Variants in CYP11B1 observed in about 807,000 individuals in gnomAD.
CYP11B1 encodes cytochrome P450 11B1, mitochondrial.
A neutral mutation model predicts 48.3 loss-of-function variants in CYP11B1; 34 were observed. The observed-to-expected ratio is 0.70, with a 90% CI of 0.54 to 0.94. The LOEUF (loss-of-function observed/expected upper bound fraction) is 0.94, where lower values mean the gene tolerates loss of function less well. CYP11B1 is among the 40% of genes least tolerant of loss of function. The pLI is 0.00. For missense variants in CYP11B1, 688 were observed against 657.4 expected (o/e 1.05, Z -0.51); for synonymous variants, 291 against 262.5 (o/e 1.11, Z -1.05).
At chr8:142,878,073 CGCAT>C (rs1817017328) in intron 2 of CYP11B1, among the ~76,000 whole-genome samples, 1 of 152,020 alleles carries the variant, frequency 6.6e-6, no homozygotes, top group African/African-American at 2.4e-5. Flanking sequence ...TGTGCACACA[CGCAT>C]GCACACACAA....
chr8:142,879,649 G>C lies in CYP11B1; in HGVS notation c.165C>G (p.Ile55Met). 1.2e-6 allele frequency: 2 copies of C among 1,614,220 alleles called. No individual in the cohort carries two copies. Among genetic ancestry groups the C allele is most frequent in the Admixed American group, 1.7e-5 (1 of 60,028 alleles). ...GGTCCTCATAACCCTGCTCCCTCCA[G>C]ATCTGCAGCAGCCTCAGCCACCTGT... The part of the protein sequence containing the change: ...PGNRWLRLLQ[I>M]WREQGYEDLH... The change falls in exon 1 of 9, where the codon ATC (isoleucine) becomes ATG (methionine). Residue 55 changes from isoleucine (I) to methionine (M), a missense_variant. Physicochemically the swap from Ile to Met is conservative, Grantham distance 10 (BLOSUM62 1). Coordinates refer to ENST00000292427, the MANE Select transcript of CYP11B1 (RefSeq NM_000497.4).
chr8:142,875,173 G>A lies in CYP11B1; in HGVS notation c.1201-19C>T, dbSNP rs559331350. Reference sequence around the variant, plus strand: ...CCAATGTCTGCGGACGGTGCAGAGCGGGGATCAGGGAATGACTGGGGAGGG... The same window carrying A: ...CCAATGTCTGCGGACGGTGCAGAGCAGGGATCAGGGAATGACTGGGGAGGG... On this transcript the variant is annotated intron_variant, in intron 7 of 8. Coordinates refer to ENST00000292427, the MANE Select transcript of CYP11B1 (RefSeq NM_000497.4). 1.2e-4 allele frequency: 198 copies of A among 1,612,678 alleles called. No individual in the cohort carries two copies. Among genetic ancestry groups the A allele is most frequent in the East Asian group, 2.9e-4 (13 of 44,858 alleles).
Position 142,876,350 on chromosome 8 carries a change from C to T in CYP11B1, c.845G>A (p.Arg282His), listed in dbSNP as rs544670837. 2.3e-5 allele frequency: 37 copies of T among 1,614,176 alleles called. No homozygotes were observed. Among genetic ancestry groups the T allele is most frequent in the South Asian group, 9.9e-5 (9 of 91,062 alleles). ...QKIYQELAFSRPQQYTSIVAE... is the reference protein window; with the variant it reads ...QKIYQELAFSHPQQYTSIVAE... ...CACGATGCTGGTGTACTGTTGAGGG[C>T]GGCTGAAGGCCAGTTCCTGATAGAT... Residue 282 changes from arginine to histidine, a missense_variant, in exon 5 of 9, where the codon CGC becomes CAC. Coordinates refer to ENST00000292427, the MANE Select transcript of CYP11B1 (RefSeq NM_000497.4).
chr8:142,874,231 C>T lies in CYP11B1; in HGVS notation c.*142G>A, dbSNP rs1404456380. ...GGCAAACCCTGGTCCTAGAGGCCCT[C>T]GGGAGTTCCATTTGTGCTGGGGCTG... On this transcript the variant is annotated 3_prime_UTR_variant, in exon 9 of 9. Coordinates refer to ENST00000292427, the MANE Select transcript of CYP11B1 (RefSeq NM_000497.4). 2.8e-6 allele frequency: 2 copies of T among 713,354 alleles called. No homozygotes were observed. Among genetic ancestry groups the T allele is most frequent in the Middle Eastern group, 3.5e-4 (1 of 2,862 alleles). The allele number at this position is 713,354 out of a possible 1,614,324, so 44.2% of individuals were successfully genotyped here. A position where few individuals can be genotyped will look rare whatever the true frequency, so the allele number is the denominator to read the frequency against.
In CYP11B1 at chr8:142,879,408, G is replaced by C. The variant is rs186769755; in HGVS notation, c.239+167C>G. On this transcript the variant is annotated intron_variant, in intron 1 of 8. Coordinates refer to ENST00000292427, the MANE Select transcript of CYP11B1 (RefSeq NM_000497.4). ...TGGGATTTGCTCTGCACCATCCCCT[G>C]CCCTGGCAGCGCCACAGACCAGCAC... 464 of 1,612,610 alleles carry C rather than the reference G, an allele frequency of 2.9e-4. 4 individuals are homozygous for C. The Middle Eastern group carries it at 3.5e-3, about 12-fold the overall frequency.
intron 1 of CYP11B1, 37 bp from the exon 2 acceptor site, chr8:142,879,224 C>T: frequency 6.2e-7 from 1 of 1,613,486 alleles, no homozygotes; most frequent in Non-Finnish European, 8.5e-7. Flanking sequence ...TGGATGGGAC[C>T]ATGTCCCCGC....
chr8:142,874,835 C>T (rs569903252), intron 8 of CYP11B1, 122 bp downstream of exon 8: 4 of 1,274,196 alleles, frequency 3.1e-6, no homozygotes, highest in South Asian at 2.5e-5. Flanking sequence ...AGTACCGGCT[C>T]TGCCCAGTCC....
chr8:142,874,525 A>G (rs1816870788), intron 8 of CYP11B1, 39 bp from the exon 9 acceptor site: 1 of 1,412,996 alleles, frequency 7.1e-7, no homozygotes, highest in East Asian at 2.3e-5. Flanking sequence ...CTTGGTCCGC[A>G]GCCCATGCAC....
At chr8:142,879,406 C>G (rs1259696595) in intron 1 of CYP11B1, 169 bp downstream of exon 1, 2 of 1,612,430 alleles carry the variant, frequency 1.2e-6, no homozygotes, top group Admixed American at 3.3e-5. Flanking sequence ...GCACCATCCC[C>G]TGCCCTGGCA....
rs1286707461 is a variant in CYP11B1, at chr8:142,873,565, C to G, written c.*808G>C. 1.3e-5 allele frequency: 2 copies of G among 152,246 alleles called. No homozygotes were observed. The highest frequency in any genetic ancestry group is 4.8e-5 in the African/African-American group (2 of 41,422). The allele number at this position is 152,246 out of a possible 1,614,324, so 9.4% of individuals were successfully genotyped here. Reference sequence around the variant, plus strand: ...GGCCCAATCCTGTCTCTCCTGTTGCCAAAAACATTTCTGGAACCACACCCC... The same window carrying G: ...GGCCCAATCCTGTCTCTCCTGTTGCGAAAAACATTTCTGGAACCACACCCC... On this transcript the variant is annotated 3_prime_UTR_variant, in exon 9 of 9. Coordinates refer to ENST00000292427, the MANE Select transcript of CYP11B1 (RefSeq NM_000497.4).
In CYP11B1 at chr8:142,874,397, GA is replaced by G. The variant is rs2130264062; in HGVS notation, c.1487del (p.Leu496ProfsTer27). 1 of 1,613,804 alleles carries G rather than the reference GA, an allele frequency of 6.2e-7. No individual in the cohort carries two copies. The highest frequency in any genetic ancestry group is 2.2e-5 in the East Asian group (1 of 44,878). On this transcript the variant is annotated frameshift_variant, in exon 9 of 9. Coordinates refer to ENST00000292427, the MANE Select transcript of CYP11B1 (RefSeq NM_000497.4). LOFTEE classifies it high-confidence loss of function. ...SFILRPSMFPLLTFRAIN is the reference protein window; with the variant it reads ...SFILRPSMFPXLTFRAIN ...ATTAGTTGATGGCTCTGAAGGTGAG[GA>G]GGGGGAACATGCTGGGCCTCAATAT... is the stretch of plus-strand genomic sequence containing the variant.
intron 4 of CYP11B1, 124 bp from the exon 5 acceptor site, chr8:142,876,519 C>A (rs1185721360): frequency 3.2e-6 from 5 of 1,540,604 alleles, no homozygotes; most frequent in Non-Finnish European, 4.4e-6. Context: ...TTCTCCGGAT[C>A]AGCCCAGCCC....
At chr8:142,879,332 C>G (rs376105877) in intron 1 of CYP11B1, 145 bp from the exon 2 acceptor site, 3 of 1,605,976 alleles carry the variant, frequency 1.9e-6, no homozygotes, top group South Asian at 1.1e-5. Context: ...GCTGACTGCC[C>G]GGAACCTCTT....
rs1430208571 is a variant in CYP11B1 at position 142,875,092 on chromosome 8, C to T, written c.1263G>A (p.Glu421=). The change falls in exon 8 of 9, where the codon GAG becomes GAA. Residue 421 remains glutamate (E), a synonymous_variant. Transcript: ENST00000292427. ...GRNPALFPRP[E]RYNPQRWLDI... ...CTAGCCAGCGCTGGGGGTTATAGCG[C>T]TCAGGCCTCGGGAACAAGGCGGGGT... The T allele has an allele frequency of 7.4e-6, 12 of 1,614,144 alleles. No individual in the cohort carries two copies. Among genetic ancestry groups the T allele is most frequent in the Admixed American group, 1.7e-5 (1 of 60,012 alleles).
intron 2 of CYP11B1, 125 bp downstream of exon 2, chr8:142,878,907 G>A (rs1817051315): frequency 5.0e-6 from 7 of 1,413,958 alleles, no homozygotes; most frequent in East Asian, 2.5e-5. Flanking sequence ...CCTCTGGGTC[G>A]GGTGCTCACC....
At chr8:142,877,254 G>A (rs1290355567) in intron 2 of CYP11B1, 32 bp from the exon 3 acceptor site, 52 of 1,569,734 alleles carry the variant, frequency 3.3e-5, no homozygotes, top group Non-Finnish European at 4.0e-5. Flanking sequence ...TTGTGAGGCC[G>A]CCCCAGCAAG....
chr8:142,877,818 C>A (rs1817009113), intron 2 of CYP11B1: 1 of 1,595,878 alleles, frequency 6.3e-7, no homozygotes, highest in Non-Finnish European at 8.5e-7. Flanking sequence ...GAGGAATTTC[C>A]CCTGTCAGCC....
chr8:142,875,197 G>A (rs764138882), intron 7 of CYP11B1, 37 bp downstream of exon 7: 9 of 1,614,212 alleles, frequency 5.6e-6, no homozygotes, highest in Non-Finnish European at 7.6e-6. Flanking sequence ...GACTGGGGAG[G>A]GAGGTTCTCA....
rs1816860384 is a variant in CYP11B1 at position 142,873,997 on chromosome 8, G to A, written c.*376C>T. The A allele has an allele frequency of 2.9e-6, 1 of 343,364 alleles. No individual in the cohort carries two copies. Among genetic ancestry groups the A allele is most frequent in the South Asian group, 2.7e-5 (1 of 36,644 alleles). 21.3% of individuals were successfully genotyped at this position (343,364 alleles called of 1,614,324 possible). ...CGCAGGGGCCCTGGCCAGGGGAAGAGGAACAGGGACATGTGAGACTAGGCA... is the reference window on the plus strand; with the variant it reads ...CGCAGGGGCCCTGGCCAGGGGAAGAAGAACAGGGACATGTGAGACTAGGCA... On this transcript the variant is annotated 3_prime_UTR_variant, in exon 9 of 9. Transcript: ENST00000292427.
Sources: allele counts gnomAD v4.1 joint callset (sites outside exome capture counted in the v4.1 genomes callset), GRCh38; gene constraint gnomAD v4.1.1; transcripts MANE v1.5; gene names NCBI Gene and HGNC (gene_info 2026-07-23, HGNC 2026-07-21).